ALS2: variants seen among roughly 807,000 people sequenced by gnomAD.
The protein encoded by ALS2 is alsin.
Under a neutral mutation model 203.4 loss-of-function variants are expected in ALS2, and 117 were observed. The observed-to-expected ratio is 0.58, with a 90% CI of 0.50 to 0.67. The LOEUF (loss-of-function observed/expected upper bound fraction) is 0.67, where lower values mean the gene tolerates loss of function less well. Among genes scored for constraint, ALS2 ranks in the 30% least tolerant of loss-of-function variants. ALS2 has a pLI of 0.00. For missense variants in ALS2, 1,715 were observed against 1,989.4 expected, an observed-to-expected ratio of 0.86 and a Z score of 2.62; for synonymous variants, 718 against 725.9, an observed-to-expected ratio of 0.99 and a Z score of 0.17.
chr2:201,758,714 T>C (rs1321806348), intron 4 of ALS2, among the ~76,000 whole-genome samples: 1 of 151,082 alleles, frequency 6.6e-6, no homozygotes, highest in Admixed American at 6.6e-5. Flanking sequence ...ACACATTCCT[T>C]CATTTGTCCT....
rs984236171 is a variant in ALS2 at position 201,700,306 on chromosome 2, C to A, written c.*1545G>T. Reference sequence around the variant, plus strand: ...TTTTATTCAAAGAAATAATAGATTTCTTTGGAGACCCGTGTCCTTGGGTTA... The same window carrying A: ...TTTTATTCAAAGAAATAATAGATTTATTTGGAGACCCGTGTCCTTGGGTTA... On this transcript the variant is annotated 3_prime_UTR_variant, in exon 34 of 34. Coordinates refer to ENST00000264276, the MANE Select transcript of ALS2 (RefSeq NM_020919.4). Among the ~76,000 whole-genome samples, 1 of 152,100 alleles carries A rather than the reference C, an allele frequency of 6.6e-6. No homozygotes were observed. The highest frequency in any genetic ancestry group is 2.4e-5 in the African/African-American group (1 of 41,416).
At chr2:201,780,347 T>G (rs1694843167) in intron 1 of ALS2, among the ~76,000 whole-genome samples, 1 of 152,240 alleles carries the variant, frequency 6.6e-6, no homozygotes, top group Admixed American at 6.5e-5. Context: ...CTAATTCTTA[T>G]TATCAAAGCT....
chr2:201,756,902 T>G (rs1559078801), intron 5 of ALS2, among the ~76,000 whole-genome samples: 1 of 96,974 alleles, frequency 1.0e-5, no homozygotes, highest in East Asian at 5.5e-4. Flanking sequence ...TTGAGAAGCA[T>G]TAAGTCCAGA....
At chr2:201,722,989 A>C (rs984003427) in intron 23 of ALS2, 54 bp downstream of exon 23, 16 of 1,396,236 alleles carry the variant, frequency 1.1e-5, no homozygotes, top group Non-Finnish European at 1.5e-5. Context: ...AAAGTAAAAA[A>C]AAATTAGTAA....
chr2:201,724,086 C>T (rs1270788491), intron 21 of ALS2, among the ~76,000 whole-genome samples: 1 of 152,092 alleles, frequency 6.6e-6, no homozygotes, highest in African/African-American at 2.4e-5. Flanking sequence ...CCACTCCAGC[C>T]TGGGTGACAG....
intron 8 of ALS2, among the ~76,000 whole-genome samples, chr2:201,748,990 A>G (rs943139892): frequency 6.6e-6 from 1 of 152,156 alleles, no homozygotes; most frequent in African/African-American, 2.4e-5. Context: ...ATCCAACTAC[A>G]TATCTATGAC....
Position 201,760,679 on chromosome 2 carries a change from A to C in ALS2, c.1113+202T>G, listed in dbSNP as rs116568613. 40,882 of 1,380,004 alleles carry C rather than the reference A, an allele frequency of 0.03. 654 individuals carry two copies. Among genetic ancestry groups the C allele is most frequent in the African/African-American group, 0.051 (3,484 of 68,806 alleles). The allele number at this position is 1,380,004 out of a possible 1,614,324, so 85.5% of individuals were successfully genotyped here. ...CAACATGACACCTTTCAATATCATA[A>C]AGGGCCAGAACAAACATAAAGAGTG... On this transcript the variant is annotated intron_variant, in intron 4 of 33. Transcript: ENST00000264276.
At chr2:201,732,941 G>A (rs74515197) in intron 13 of ALS2, among the ~76,000 whole-genome samples, 210 of 152,306 alleles carry the variant, frequency 1.4e-3, no homozygotes, top group Non-Finnish European at 2.5e-3. Context: ...GGGCTTTAAA[G>A]AGCTCTGTTT....
Position 201,761,752 on chromosome 2 carries a change from C to T in ALS2, c.242G>A (p.Ser81Asn). ...RSGPVEICPS[S>N]PILENALVGQ... ...AACCAGGGCATTTTCTAGAATGGGGCTACTTGGACAAATCTCCACTGGTCC... is the reference window on the plus strand; with the variant it reads ...AACCAGGGCATTTTCTAGAATGGGGTTACTTGGACAAATCTCCACTGGTCC... Residue 81 changes from serine to asparagine, a missense_variant, in exon 4 of 34, where the codon AGC becomes AAC. Physicochemically the swap from Ser to Asn is conservative, Grantham distance 46. Transcript: ENST00000264276. 1 of 1,613,828 alleles carries T rather than the reference C, an allele frequency of 6.2e-7. No individual in the cohort carries two copies. The highest frequency in any genetic ancestry group is 8.5e-7 in the Non-Finnish European group (1 of 1,179,992).
At position 201,735,332 on chromosome 2, in the gene ALS2, T is replaced by G. The variant is rs969914966; in HGVS notation, c.2418-1894A>C. On this transcript the variant is annotated intron_variant, in intron 12 of 33. Coordinates refer to ENST00000264276, the MANE Select transcript of ALS2 (RefSeq NM_020919.4). ...ATTTGATGCCCCCTAAATTGTACAC[T>G]TATTAGTGTACAATTAAGATTAAAA... is the stretch of plus-strand genomic sequence containing the variant. Among the ~76,000 whole-genome samples the G allele has an allele frequency of 3.9e-5, 6 of 152,330 alleles. No individual in the cohort carries two copies. The East Asian group carries it at 1.2e-3, about 29-fold the overall frequency.
intron 1 of ALS2, 31 bp from the exon 2 acceptor site, chr2:201,768,976 A>G (rs1249189862): frequency 1.6e-6 from 2 of 1,258,562 alleles, no homozygotes; most frequent in Non-Finnish European, 2.3e-6. Flanking sequence ...AAAGAGCAGT[A>G]AAAGAATATT....
chr2:201,762,017 T>C (rs947235189), intron 3 of ALS2, among the ~76,000 whole-genome samples, 199 bp from the exon 4 acceptor site: 2 of 152,232 alleles, frequency 1.3e-5, no homozygotes, highest in African/African-American at 2.4e-5. Flanking sequence ...CTCTTTTTAA[T>C]ATTCTGCACT....
At chr2:201,759,425 ATAAAT>A (rs1469435063) in intron 4 of ALS2, 13 of 944,156 alleles carry the variant, frequency 1.4e-5, no homozygotes, top group Non-Finnish European at 1.6e-5. Flanking sequence ...TTTACAAAGA[ATAAAT>A]TAAATGTAAT....
chr2:201,703,228 C>G (rs937025495), intron 33 of ALS2, among the ~76,000 whole-genome samples: 4 of 152,078 alleles, frequency 2.6e-5, no homozygotes, highest in African/African-American at 9.7e-5. Context: ...ACCTGTCTTT[C>G]CTTCTCTCTT....
At chr2:201,702,795 T>C (rs1689468707) in intron 33 of ALS2, among the ~76,000 whole-genome samples, 3 of 152,148 alleles carry the variant, frequency 2.0e-5, no homozygotes, top group Admixed American at 6.6e-5. Flanking sequence ...CCCCAGTTTC[T>C]CCCCCTTTTC....
chr2:201,746,894 A>C, intron 8 of ALS2, 146 bp from the exon 9 acceptor site: 1 of 826,888 alleles, frequency 1.2e-6, no homozygotes, highest in South Asian at 1.4e-5. Context: ...CAATTTGCCC[A>C]ATCAAATGCA....
rs748306608 is a variant in ALS2 at position 201,761,275 on chromosome 2, A to G, written c.719T>C (p.Ile240Thr). 6.2e-7 allele frequency: 1 copy of G among 1,614,024 alleles called. No individual in the cohort carries two copies. The highest frequency in any genetic ancestry group is 2.2e-5 in the East Asian group (1 of 44,886). The change falls in exon 4 of 34, where the codon ATT (isoleucine) becomes ACT (threonine). Residue 240 changes from isoleucine (I) to threonine (T), a missense_variant. Ile to Thr is a moderately conservative substitution (Grantham distance 89). Coordinates refer to ENST00000264276, the MANE Select transcript of ALS2 (RefSeq NM_020919.4). ...ERCNQCSQLL[I>T]TMTDKEDHVI... ...ATGGTCTTCTTTGTCAGTCATAGTA[A>G]TCAAGAGCTGGCTGCACTGGTTGCA...
intron 28 of ALS2, among the ~76,000 whole-genome samples, 165 bp downstream of exon 28, chr2:201,707,704 C>T (rs1354811115): frequency 1.3e-5 from 2 of 152,154 alleles, no homozygotes; most frequent in African/African-American, 4.8e-5. Flanking sequence ...TGTGGGATTA[C>T]AGGTGTGAGC....
Position 201,754,507 on chromosome 2 carries a change from G to A in ALS2, c.1636C>T (p.Pro546Ser). 1.9e-6 allele frequency: 3 copies of A among 1,614,014 alleles called. No homozygotes were observed. The highest frequency in any genetic ancestry group is 1.7e-6 in the Non-Finnish European group (2 of 1,179,978). Reference sequence around the variant, plus strand: ...GTAAATGTTGGTAGCGCTTACCTAGGCAGAACATCGCCGTGCCCCAGCTGC... The same window carrying A: ...GTAAATGTTGGTAGCGCTTACCTAGACAGAACATCGCCGTGCCCCAGCTGC... The part of the protein sequence containing the change: ...EGQLGHGDVL[P>S]RLQPLCVKCL... The change falls in exon 6 of 34, where the codon CCT becomes TCT. Residue 546 changes from proline to serine, a missense_variant. By Grantham distance (74) the Pro-to-Ser change is moderately conservative (BLOSUM62 -1). Coordinates refer to ENST00000264276, the MANE Select transcript of ALS2 (RefSeq NM_020919.4).
Sources: gnomAD v4.1 joint callset for allele counts (sites outside exome capture counted in the v4.1 genomes callset) on GRCh38, gnomAD v4.1.1 for gene constraint, MANE v1.5 for transcripts, NCBI Gene and HGNC (gene_info 2026-07-23, HGNC 2026-07-21) for gene names.